Variants in DSCAM observed in about 807,000 individuals in gnomAD.
The protein encoded by DSCAM is cell adhesion molecule DSCAM.
In DSCAM, 47 loss-of-function variants were observed where a neutral mutation model predicts 217.7. The ratio of observed to expected loss-of-function variants is 0.22; its 90% confidence interval spans 0.17 to 0.28. DSCAM has a LOEUF of 0.28. Among genes scored for constraint, DSCAM ranks in the 10% least tolerant of loss-of-function variants. The pLI, the probability that DSCAM is intolerant of heterozygous loss-of-function variation, is 1.00. For synonymous variants in DSCAM, 1,056 were observed against 1,015.3 expected (o/e 1.04, Z -0.76); for missense variants, 2,080 against 2,618.3 (o/e 0.79, Z 4.49).
intron 11 of DSCAM, among the ~76,000 whole-genome samples, chr21:40,200,369 T>C (rs1401474781): frequency 6.6e-6 from 1 of 152,220 alleles, no homozygotes; most frequent in Non-Finnish European, 1.5e-5. Flanking sequence ...ATTTGACTTC[T>C]CTGGGGACCT....
At chr21:40,605,595 C>T (rs1381261789) in intron 3 of DSCAM, among the ~76,000 whole-genome samples, 1 of 152,072 alleles carries the variant, frequency 6.6e-6, no homozygotes, top group Non-Finnish European at 1.5e-5. Context: ...ATGGCTGCGT[C>T]CCAATACAGC....
chr21:40,661,856 G>A (rs770430793), intron 3 of DSCAM, among the ~76,000 whole-genome samples: 8 of 152,150 alleles, frequency 5.3e-5, no homozygotes, highest in Non-Finnish European at 8.8e-5. Context: ...AACTGCACCT[G>A]TTTCTTTGAG....
chr21:40,547,530 C>T (rs1345407216), intron 3 of DSCAM, among the ~76,000 whole-genome samples: 1 of 152,152 alleles, frequency 6.6e-6, no homozygotes, highest in Non-Finnish European at 1.5e-5. Flanking sequence ...AAGAGGTTTG[C>T]ATAATTAATG....
At chr21:40,370,553 T>G (rs1267108412) in intron 3 of DSCAM, among the ~76,000 whole-genome samples, 2 of 152,164 alleles carry the variant, frequency 1.3e-5, no homozygotes, top group Admixed American at 6.5e-5. Context: ...TAAAGATAAT[T>G]TCTTGGTCAT....
At chr21:40,746,804 T>C (rs960435842) in intron 1 of DSCAM, among the ~76,000 whole-genome samples, 3 of 151,882 alleles carry the variant, frequency 2.0e-5, no homozygotes, top group Non-Finnish European at 2.9e-5. Context: ...TTCTCCAGGA[T>C]AGATTATGAA....
intron 32 of DSCAM, among the ~76,000 whole-genome samples, chr21:40,031,017 C>CT (rs2088512791): frequency 6.6e-6 from 1 of 152,166 alleles, no homozygotes; most frequent in Non-Finnish European, 1.5e-5. Context: ...GTTCACTGTA[C>CT]TTGCTGCAGT....
At chr21:40,090,162 G>C (rs1201408677) in intron 21 of DSCAM, among the ~76,000 whole-genome samples, 1 of 152,126 alleles carries the variant, frequency 6.6e-6, no homozygotes, top group Non-Finnish European at 1.5e-5. Context: ...CCTCAGTGCT[G>C]TGGTCGTGGG....
At chr21:40,268,516 T>C (rs781077325) in intron 11 of DSCAM, among the ~76,000 whole-genome samples, 5 of 151,868 alleles carry the variant, frequency 3.3e-5, no homozygotes, top group African/African-American at 9.7e-5. Flanking sequence ...CTGAAAAACA[T>C]TGAAATAGGC....
At chr21:40,704,052 C>T (rs1181958082) in intron 2 of DSCAM, among the ~76,000 whole-genome samples, 1 of 152,048 alleles carries the variant, frequency 6.6e-6, no homozygotes, top group African/African-American at 2.4e-5. Flanking sequence ...TTATTATTAA[C>T]TAAAGTCCAT....
intron 2 of DSCAM, among the ~76,000 whole-genome samples, chr21:40,706,835 T>G (rs1158976924): frequency 2.6e-5 from 4 of 152,236 alleles, no homozygotes; most frequent in Non-Finnish European, 5.9e-5. Context: ...GAGAGAAATT[T>G]GATTTGGGTA....
chr21:40,718,190 A>G (rs767844053), intron 1 of DSCAM, among the ~76,000 whole-genome samples: 12 of 152,242 alleles, frequency 7.9e-5, no homozygotes, highest in Non-Finnish European at 1.5e-4. Context: ...AGGAAACAAC[A>G]TGTCAGTTTC....
At chr21:40,305,424 T>C (rs1428631016) in intron 9 of DSCAM, among the ~76,000 whole-genome samples, 1 of 148,890 alleles carries the variant, frequency 6.7e-6, no homozygotes, top group East Asian at 2.0e-4. Context: ...AAAAGAAAAG[T>C]GCAGAAGCTC....
In DSCAM at chr21:40,288,055, C is replaced by T. The variant is rs565937705; in HGVS notation, c.2182+8000G>A. On this transcript the variant is annotated intron_variant, in intron 10 of 32. Transcript: ENST00000400454. ...CTACAGAGTGGGGAAAATAGAAACT[C>T]CTCTAAATTAAGAACAGCATTACCC... Among the ~76,000 whole-genome samples the T allele has an allele frequency of 1.3e-4, 20 of 152,220 alleles. No homozygotes were observed. In the South Asian group the frequency reaches 3.5e-3, roughly 27 times the overall value.
At chr21:40,571,304 C>G (rs1478849182) in intron 3 of DSCAM, among the ~76,000 whole-genome samples, 2 of 152,032 alleles carry the variant, frequency 1.3e-5, no homozygotes, top group African/African-American at 4.8e-5. Flanking sequence ...GAGAGCAATT[C>G]AAATATTCTT....
chr21:40,783,285 T>G (rs555053824), intron 1 of DSCAM, among the ~76,000 whole-genome samples: 1 of 152,214 alleles, frequency 6.6e-6, no homozygotes, highest in Non-Finnish European at 1.5e-5. Context: ...GGCACAGCTC[T>G]TCAGTGTTGA....
At chr21:40,467,203 A>G (rs2075852339) in intron 3 of DSCAM, among the ~76,000 whole-genome samples, 1 of 152,224 alleles carries the variant, frequency 6.6e-6, no homozygotes, top group East Asian at 1.9e-4. Context: ...TGACACAAAG[A>G]TAGGTCACAA....
chr21:40,025,961 G>A (rs928185334), intron 32 of DSCAM, among the ~76,000 whole-genome samples: 3 of 147,876 alleles, frequency 2.0e-5, no homozygotes, highest in Non-Finnish European at 4.5e-5. Flanking sequence ...TAATTGTGAT[G>A]TTAGGGTGTC....
At chr21:40,444,203 A>G (rs1032145192) in intron 3 of DSCAM, among the ~76,000 whole-genome samples, 9 of 152,024 alleles carry the variant, frequency 5.9e-5, no homozygotes, top group Non-Finnish European at 1.3e-4. Flanking sequence ...CCAATCTATC[A>G]TTTTTCCCAC....
intron 10 of DSCAM, among the ~76,000 whole-genome samples, chr21:40,279,900 G>A (rs1441920158): frequency 6.6e-6 from 1 of 152,094 alleles, no homozygotes; most frequent in African/African-American, 2.4e-5. Context: ...CTCATAAGTA[G>A]GAATTGAACA....
Sources: allele counts gnomAD v4.1 joint callset (sites outside exome capture counted in the v4.1 genomes callset), GRCh38; gene constraint gnomAD v4.1.1; transcripts MANE v1.5; gene names NCBI Gene and HGNC (gene_info 2026-07-23, HGNC 2026-07-21).